Variants in ATXN7 observed in about 807,000 individuals in gnomAD.
The protein encoded by ATXN7 is ataxin 7, also known as ataxin-7.
Under a neutral mutation model 70.5 loss-of-function variants are expected in ATXN7, and 12 were observed. That is an observed-to-expected ratio of 0.17 (90% CI 0.11 to 0.28). The LOEUF (loss-of-function observed/expected upper bound fraction) is 0.28, where lower values mean the gene tolerates loss of function less well. ATXN7 is among the 10% of genes least tolerant of loss of function. The probability of loss-of-function intolerance (pLI) is 1.00; values close to 1 mark genes in which losing one functional copy is unlikely to be tolerated. For synonymous variants in ATXN7, 498 were observed against 448.7 expected (o/e 1.11, Z -1.39); for missense variants, 1,256 against 1,131.7 (o/e 1.11, Z -1.58).
rs963018272 is a variant in ATXN7, at chr3:64,003,408, T to C, written c.*3941T>C. 1.3e-5 allele frequency: 2 copies of C among 152,128 alleles called. No homozygotes were observed. The highest frequency in any genetic ancestry group is 4.8e-5 in the African/African-American group (2 of 41,442). The allele number at this position is 152,128 out of a possible 1,614,324, so 9.4% of individuals were successfully genotyped here. On this transcript the variant is annotated 3_prime_UTR_variant, in exon 13 of 13. Transcript: ENST00000674280. ...TAAAAGAGAAGAAATATATAGTCTA[T>C]TTGTTTTGTAACAAGTTTCTGTAAA... is the stretch of plus-strand genomic sequence containing the variant.
intron 1 of ATXN7, among the ~76,000 whole-genome samples, chr3:63,878,895 T>G (rs1702824766): frequency 6.6e-6 from 1 of 152,154 alleles, no homozygotes; most frequent in Non-Finnish European, 1.5e-5. Flanking sequence ...ACTTTTTTCT[T>G]TGCTCTTTGA....
chr3:63,896,789 T>G (rs1703461389), intron 1 of ATXN7, among the ~76,000 whole-genome samples: 1 of 152,246 alleles, frequency 6.6e-6, no homozygotes, highest in African/African-American at 2.4e-5. Context: ...ATAAAGCATT[T>G]TTACAGTATG....
intron 5 of ATXN7, among the ~76,000 whole-genome samples, chr3:63,978,540 A>G (rs1559654127): frequency 6.6e-6 from 1 of 152,206 alleles, no homozygotes; most frequent in Admixed American, 6.5e-5. Context: ...TCAGATGCCA[A>G]ATTTGGAAAA....
chr3:63,877,755 C>G (rs1261503321), intron 1 of ATXN7, among the ~76,000 whole-genome samples: 2 of 152,136 alleles, frequency 1.3e-5, no homozygotes, highest in Non-Finnish European at 2.9e-5. Flanking sequence ...AAAGAATGCC[C>G]GAATATTCAC....
chr3:63,980,268 C>T (rs2075463679), intron 6 of ATXN7, 101 bp downstream of exon 6: 1 of 1,444,256 alleles, frequency 6.9e-7, no homozygotes, highest in Non-Finnish European at 9.5e-7. Flanking sequence ...AAAAGAGAGT[C>T]TACTTGGGGA....
At chr3:63,971,076 G>A (rs905764380) in intron 5 of ATXN7, among the ~76,000 whole-genome samples, 2 of 152,210 alleles carry the variant, frequency 1.3e-5, no homozygotes, top group African/African-American at 4.8e-5. Flanking sequence ...AGAGGTAGCA[G>A]TTGGAGACTA....
At chr3:63,894,771 G>A (rs1703394348) in intron 1 of ATXN7, among the ~76,000 whole-genome samples, 1 of 152,110 alleles carries the variant, frequency 6.6e-6, no homozygotes, top group Non-Finnish European at 1.5e-5. Context: ...CAGTCCTCCT[G>A]CTTTGGCCTC....
intron 5 of ATXN7, among the ~76,000 whole-genome samples, chr3:63,967,339 A>AT (rs1262724009): frequency 2.0e-5 from 3 of 152,224 alleles, no homozygotes; most frequent in Admixed American, 6.5e-5. Context: ...GGGTTCAGAT[A>AT]TTTTGTTACT....
At chr3:63,863,398 C>T, upstream of ATXN7, 1 of 1,043,688 alleles carries the variant, frequency 9.6e-7, no homozygotes, top group Non-Finnish European at 1.2e-6. Context: ...CACCGCGCCC[C>T]TAGACAAACC....
chr3:63,974,195 T>C (rs1285341210), intron 5 of ATXN7, among the ~76,000 whole-genome samples: 1 of 152,190 alleles, frequency 6.6e-6, no homozygotes, highest in Non-Finnish European at 1.5e-5. Context: ...CACCCATAGC[T>C]GATTTTTAGC....
intron 12 of ATXN7, chr3:63,997,987 C>T (rs2075786867): frequency 1.0e-6 from 1 of 985,314 alleles, no homozygotes; most frequent in South Asian, 4.7e-5. Context: ...TGTAGTTACT[C>T]ATTACAGTTT....
At chr3:63,912,458 G>C (rs1704064816) in intron 2 of ATXN7, 130 bp from the exon 3 acceptor site, 3 of 440,040 alleles carry the variant, frequency 6.8e-6, no homozygotes, top group Non-Finnish European at 9.1e-6. Flanking sequence ...GGGGGGCTGG[G>C]CGGCCATGGG....
chr3:63,989,920 C>T (rs1308857790), intron 9 of ATXN7, among the ~76,000 whole-genome samples: 2 of 152,170 alleles, frequency 1.3e-5, no homozygotes, highest in African/African-American at 4.8e-5. Context: ...ATCTGAACCA[C>T]CCAAATGGCA....
chr3:63,951,313 C>A (rs1459251893), intron 4 of ATXN7, among the ~76,000 whole-genome samples: 1 of 151,840 alleles, frequency 6.6e-6, no homozygotes, highest in East Asian at 1.9e-4. Flanking sequence ...AAGGAATTTT[C>A]TTCTCCCTTT....
At position 63,998,068 on chromosome 3, in the gene ATXN7, G is replaced by A. The variant is rs540021705; in HGVS notation, c.2662-1382G>A. 1.7e-5 allele frequency: 17 copies of A among 985,356 alleles called. No individual in the cohort carries two copies. The South Asian group carries it at 7.0e-4, about 41-fold the overall frequency. The allele number at this position is 985,356 out of a possible 1,614,324, so 61.0% of individuals were successfully genotyped here. ...ATTCTTCAACGCACCGTCTTTGAGA[G>A]AGACATGATCCCCACGGAAGGGGCA... On this transcript the variant is annotated intron_variant, in intron 12 of 12. Transcript: ENST00000674280.
chr3:63,884,294 A>T (rs1035196985), intron 1 of ATXN7, among the ~76,000 whole-genome samples: 1 of 151,840 alleles, frequency 6.6e-6, no homozygotes, highest in Non-Finnish European at 1.5e-5. Context: ...ACACACAATG[A>T]TGGGGTGTGT....
chr3:63,944,414 C>CTA (rs2074822664), intron 4 of ATXN7, among the ~76,000 whole-genome samples: 1 of 152,056 alleles, frequency 6.6e-6, no homozygotes, highest in Admixed American at 6.5e-5. Flanking sequence ...AACACAAGTA[C>CTA]TACAATAGCA....
At chr3:63,923,412 A>G (rs1422597705) in intron 4 of ATXN7, among the ~76,000 whole-genome samples, 1 of 151,932 alleles carries the variant, frequency 6.6e-6, no homozygotes, top group East Asian at 1.9e-4. Flanking sequence ...TGAAGTCAAA[A>G]GTAGGGTAAT....
chr3:63,970,901 G>A (rs1327846330), intron 5 of ATXN7, among the ~76,000 whole-genome samples: 1 of 152,204 alleles, frequency 6.6e-6, no homozygotes, highest in Non-Finnish European at 1.5e-5. Context: ...CTTTATTTAT[G>A]TCATAAAGCG....
Sources: allele counts gnomAD v4.1 joint callset (sites outside exome capture counted in the v4.1 genomes callset), GRCh38; gene constraint gnomAD v4.1.1; transcripts MANE v1.5; gene names NCBI Gene and HGNC (gene_info 2026-07-23, HGNC 2026-07-21).